The following NPAS3 variants were observed in gnomAD, a reference collection of about 807,000 sequenced individuals.
The protein encoded by NPAS3 is neuronal PAS domain protein 3.
Under a neutral mutation model 73.1 loss-of-function variants are expected in NPAS3, and 14 were observed. The observed-to-expected ratio is 0.19, with a 90% CI of 0.13 to 0.30. The LOEUF (loss-of-function observed/expected upper bound fraction) is 0.30. Ranked by LOEUF, NPAS3 falls within the 10% of genes least tolerant of loss-of-function variation. NPAS3 has a pLI of 1.00. For missense variants in NPAS3, 1,096 were observed against 1,250.0 expected (o/e 0.88, Z 1.86); for synonymous variants, 620 against 541.5 (o/e 1.14, Z -2.01).
chr14:33,116,629 A>G (rs1176138801), intron 2 of NPAS3, among the ~76,000 whole-genome samples: 2 of 152,216 alleles, frequency 1.3e-5, no homozygotes, highest in African/African-American at 2.4e-5. Context: ...TCCCACATGA[A>G]TGTTACTGGT....
At chr14:33,469,007 G>A (rs2050659949) in intron 4 of NPAS3, among the ~76,000 whole-genome samples, 2 of 152,162 alleles carry the variant, frequency 1.3e-5, no homozygotes, top group Admixed American at 1.3e-4. Context: ...ATCTCCTACA[G>A]TTCTTGTAAT....
chr14:33,028,983 C>G (rs751485843), intron 1 of NPAS3, among the ~76,000 whole-genome samples: 9 of 152,034 alleles, frequency 5.9e-5, no homozygotes, highest in South Asian at 2.1e-4. Flanking sequence ...CTCCTTCCCC[C>G]CCGCCCCTGA....
rs188340915 is a variant in NPAS3, at chr14:33,026,656, A to G, written c.51-29249A>G. ...CTGTCTGATTTTACTTCTTCCTAAC[A>G]GTGAATTTACTGTCCTTTTTACTCT... On this transcript the variant is annotated intron_variant, in intron 1 of 11. Coordinates refer to ENST00000356141, the Ensembl canonical transcript of NPAS3. Among the ~76,000 whole-genome samples, 501 of 152,134 alleles carry G rather than the reference A, an allele frequency of 3.3e-3. 2 individuals carry two copies. The highest frequency in any genetic ancestry group is 0.011 in the African/African-American group (475 of 41,522).
intron 2 of NPAS3, among the ~76,000 whole-genome samples, chr14:33,172,906 C>T (rs1372230522): frequency 6.6e-6 from 1 of 151,868 alleles, no homozygotes; most frequent in Non-Finnish European, 1.5e-5. Context: ...TACTAAATTT[C>T]TGAAAAAGGA....
intron 5 of NPAS3, among the ~76,000 whole-genome samples, chr14:33,572,832 G>C (rs981824454): frequency 6.6e-6 from 1 of 151,974 alleles, no homozygotes; most frequent in African/African-American, 2.4e-5. Context: ...AGACCAGCCT[G>C]GCCAACATGG....
At chr14:33,463,608 G>C (rs777738814) in intron 4 of NPAS3, among the ~76,000 whole-genome samples, 3 of 152,112 alleles carry the variant, frequency 2.0e-5, no homozygotes, top group Non-Finnish European at 2.9e-5. Context: ...ACAATGCCTT[G>C]AACCTAACAT....
chr14:33,145,095 T>G (rs7154764), intron 2 of NPAS3, among the ~76,000 whole-genome samples: 53,306 of 152,028 alleles, frequency 0.35, 9,446 homozygotes, highest in Admixed American at 0.39. Context: ...AGATATTTGA[T>G]GCCAACCAGA....
chr14:33,486,240 G>T (rs1014620170), intron 4 of NPAS3, among the ~76,000 whole-genome samples: 2 of 151,788 alleles, frequency 1.3e-5, no homozygotes, highest in Non-Finnish European at 2.9e-5. Flanking sequence ...GTCTAACGGC[G>T]GCCAATTGTG....
intron 4 of NPAS3, among the ~76,000 whole-genome samples, chr14:33,558,850 T>TC (rs907018292): frequency 6.8e-6 from 1 of 146,704 alleles, no homozygotes; most frequent in African/African-American, 2.5e-5. Context: ...TTCACGGCCT[T>TC]TTTTTTTTTT....
At chr14:33,107,009 T>A (rs1302502663) in intron 2 of NPAS3, among the ~76,000 whole-genome samples, 1 of 152,094 alleles carries the variant, frequency 6.6e-6, no homozygotes, top group East Asian at 1.9e-4. Context: ...TCCCTTTGAG[T>A]GTCACTGGCT....
chr14:33,477,299 G>A (rs2051086451), intron 4 of NPAS3, among the ~76,000 whole-genome samples: 1 of 152,084 alleles, frequency 6.6e-6, no homozygotes, highest in Non-Finnish European at 1.5e-5. Flanking sequence ...CTGTGGTAAT[G>A]GAATATCTTC....
At chr14:33,178,009 G>A (rs1274297598) in intron 2 of NPAS3, among the ~76,000 whole-genome samples, 1 of 151,270 alleles carries the variant, frequency 6.6e-6, no homozygotes, top group East Asian at 1.9e-4. Flanking sequence ...ATGAATTTGA[G>A]TATCAGCTTT....
chr14:33,779,129 G>A (rs1260893705), intron 9 of NPAS3, among the ~76,000 whole-genome samples: 1 of 152,192 alleles, frequency 6.6e-6, no homozygotes, highest in Non-Finnish European at 1.5e-5. Context: ...AGAAGAGTAG[G>A]TATCTCCATC....
At chr14:33,387,145 C>T (rs1269606075) in intron 4 of NPAS3, among the ~76,000 whole-genome samples, 1 of 152,150 alleles carries the variant, frequency 6.6e-6, no homozygotes, top group Non-Finnish European at 1.5e-5. Context: ...TTTGATACCA[C>T]CCAAATTTTT....
At chr14:32,943,039 A>T (rs1315255017) in intron 1 of NPAS3, among the ~76,000 whole-genome samples, 1 of 152,226 alleles carries the variant, frequency 6.6e-6, no homozygotes, top group Non-Finnish European at 1.5e-5. Context: ...TCATTACAAC[A>T]TCTTTTCAGA....
At chr14:33,742,109 G>A (rs918278614) in intron 7 of NPAS3, among the ~76,000 whole-genome samples, 6 of 151,756 alleles carry the variant, frequency 4.0e-5, no homozygotes, top group African/African-American at 1.5e-4. Flanking sequence ...TGAGACTTTG[G>A]CCTATTACAA....
chr14:33,542,405 CAG>C (rs772211464), intron 4 of NPAS3, among the ~76,000 whole-genome samples: 7 of 152,194 alleles, frequency 4.6e-5, no homozygotes, highest in Non-Finnish European at 8.8e-5. Context: ...CTTCCTGAAA[CAG>C]AGAGGTGGCT....
At chr14:33,414,104 C>G (rs1368363333) in intron 4 of NPAS3, among the ~76,000 whole-genome samples, 1 of 152,002 alleles carries the variant, frequency 6.6e-6, no homozygotes, top group Non-Finnish European at 1.5e-5. Context: ...TGCAATATTT[C>G]CATGCATTTT....
At chr14:33,559,408 C>G (rs2055525393) in intron 4 of NPAS3, among the ~76,000 whole-genome samples, 1 of 152,132 alleles carries the variant, frequency 6.6e-6, no homozygotes, top group South Asian at 2.1e-4. Context: ...AGTGATTTTA[C>G]TTGCTCTTGA....
Sources: gnomAD v4.1 joint callset for allele counts (sites outside exome capture counted in the v4.1 genomes callset) on GRCh38, gnomAD v4.1.1 for gene constraint, MANE v1.5 for transcripts, NCBI Gene and HGNC (gene_info 2026-07-23, HGNC 2026-07-21) for gene names.